CNTNAP5: variants seen among roughly 807,000 people sequenced by gnomAD.
CNTNAP5 encodes the protein contactin associated protein family member 5.
A neutral mutation model predicts 150.2 loss-of-function variants in CNTNAP5; 72 were observed. The observed-to-expected ratio is 0.48, with a 90% CI of 0.40 to 0.58. CNTNAP5 has a LOEUF of 0.58. CNTNAP5 is among the 20% of genes least tolerant of loss of function. CNTNAP5 has a pLI of 0.00. For missense variants in CNTNAP5, 1,636 were observed against 1,626.2 expected (o/e 1.01, Z -0.10); for synonymous variants, 672 against 619.8 (o/e 1.08, Z -1.25).
At chr2:124,129,847 G>C (rs576206997) in intron 1 of CNTNAP5, among the ~76,000 whole-genome samples, 2 of 152,108 alleles carry the variant, frequency 1.3e-5, no homozygotes, top group Non-Finnish European at 2.9e-5. Flanking sequence ...TGGAGGGAAG[G>C]GTGCCTTCAG....
intron 13 of CNTNAP5, among the ~76,000 whole-genome samples, chr2:124,653,975 A>G (rs1160289825): frequency 7.0e-6 from 1 of 142,964 alleles, no homozygotes; most frequent in Non-Finnish European, 1.5e-5. Context: ...AAGGTCCAGA[A>G]GGACAAATGA....
At chr2:124,581,875 G>A (rs974073031) in intron 11 of CNTNAP5, among the ~76,000 whole-genome samples, 15 of 152,152 alleles carry the variant, frequency 9.9e-5, no homozygotes, top group Admixed American at 1.3e-4. Context: ...AAAAGCGGCC[G>A]TCATATTGCA....
At chr2:124,435,622 A>G (rs1287910648) in intron 5 of CNTNAP5, among the ~76,000 whole-genome samples, 3 of 152,212 alleles carry the variant, frequency 2.0e-5, no homozygotes, top group East Asian at 3.9e-4. Flanking sequence ...TGTCTTCACT[A>G]TAAAATAGTA....
chr2:124,252,885 T>G (rs2104782079), intron 3 of CNTNAP5, among the ~76,000 whole-genome samples: 1 of 152,252 alleles, frequency 6.6e-6, no homozygotes, highest in African/African-American at 2.4e-5. Context: ...ACACATGGAC[T>G]TATTTAAATG....
At chr2:124,796,841 C>T (rs545717401) in intron 18 of CNTNAP5, among the ~76,000 whole-genome samples, 27 of 152,276 alleles carry the variant, frequency 1.8e-4, no homozygotes, top group African/African-American at 5.5e-4. Flanking sequence ...AGGTTTGCTG[C>T]CTGATCTAAG....
At chr2:124,300,742 C>T (rs1314097527) in intron 3 of CNTNAP5, among the ~76,000 whole-genome samples, 2 of 152,170 alleles carry the variant, frequency 1.3e-5, no homozygotes, top group African/African-American at 4.8e-5. Context: ...GCTCTGCAGG[C>T]TGCAAGGACT....
At chr2:124,696,244 G>A (rs1679404860) in intron 13 of CNTNAP5, among the ~76,000 whole-genome samples, 1 of 152,106 alleles carries the variant, frequency 6.6e-6, no homozygotes, top group Admixed American at 6.6e-5. Context: ...TTTTCCCCCA[G>A]TAGCAAGAAT....
At chr2:124,557,587 G>A (rs971589174) in intron 10 of CNTNAP5, among the ~76,000 whole-genome samples, 6 of 152,002 alleles carry the variant, frequency 3.9e-5, no homozygotes, top group South Asian at 2.1e-4. Context: ...AACAAGCAGC[G>A]CTCTTATGGA....
chr2:124,422,635 C>A (rs552763495), intron 4 of CNTNAP5, among the ~76,000 whole-genome samples: 5 of 152,236 alleles, frequency 3.3e-5, no homozygotes, highest in African/African-American at 9.6e-5. Context: ...CTTCTAATAC[C>A]CAGATACTTT....
intron 1 of CNTNAP5, among the ~76,000 whole-genome samples, chr2:124,092,039 A>G (rs1022989174): frequency 5.3e-5 from 8 of 152,018 alleles, no homozygotes; most frequent in Non-Finnish European, 1.0e-4. Context: ...TCTCCACACC[A>G]CTTCTGGTGG....
intron 11 of CNTNAP5, among the ~76,000 whole-genome samples, chr2:124,579,175 C>T (rs184069537): frequency 5.9e-5 from 9 of 152,268 alleles, no homozygotes; most frequent in Non-Finnish European, 1.0e-4. Context: ...AGGAGGTCTT[C>T]GCTCTTCTAG....
intron 5 of CNTNAP5, among the ~76,000 whole-genome samples, chr2:124,436,507 A>C (rs1692535145): frequency 6.6e-6 from 1 of 152,198 alleles, no homozygotes; most frequent in Admixed American, 6.5e-5. Flanking sequence ...TGGACATGAA[A>C]ACCAAGAGCA....
intron 3 of CNTNAP5, among the ~76,000 whole-genome samples, chr2:124,327,666 C>G (rs187251206): frequency 6.6e-6 from 1 of 152,302 alleles, no homozygotes; most frequent in Admixed American, 6.5e-5. Flanking sequence ...GATGATAACT[C>G]TTTCAACCAA....
chr2:124,815,909 A>G (rs1207880751), intron 19 of CNTNAP5, among the ~76,000 whole-genome samples: 15 of 152,180 alleles, frequency 9.9e-5, no homozygotes, highest in Admixed American at 9.8e-4. Flanking sequence ...TGTCTAATCA[A>G]TTAATAAATG....
At chr2:124,773,055 T>G in intron 17 of CNTNAP5, 38 bp downstream of exon 17, 1 of 1,534,886 alleles carries the variant, frequency 6.5e-7, no homozygotes, top group Non-Finnish European at 9.0e-7. Context: ...TGCTAAACCC[T>G]GCAAGATCAC....
intron 13 of CNTNAP5, among the ~76,000 whole-genome samples, chr2:124,690,360 C>T (rs1268930970): frequency 6.6e-6 from 1 of 152,020 alleles, no homozygotes; most frequent in African/African-American, 2.4e-5. Context: ...AACCAGTCTC[C>T]AGAAGCAGTG....
intron 19 of CNTNAP5, among the ~76,000 whole-genome samples, chr2:124,847,980 C>T (rs1346550990): frequency 6.6e-6 from 1 of 152,026 alleles, no homozygotes; most frequent in African/African-American, 2.4e-5. Flanking sequence ...GGAGTCATAT[C>T]ATTGCATTTA....
At chr2:124,532,818 G>A (rs1022627859) in intron 10 of CNTNAP5, among the ~76,000 whole-genome samples, 4 of 152,168 alleles carry the variant, frequency 2.6e-5, no homozygotes, top group African/African-American at 4.8e-5. Flanking sequence ...AAATGAGAGT[G>A]TGCGAGAAGT....
chr2:124,056,529 C>T (rs1681851226), intron 1 of CNTNAP5, among the ~76,000 whole-genome samples: 1 of 152,050 alleles, frequency 6.6e-6, no homozygotes, highest in South Asian at 2.1e-4. Context: ...TCCTGTAATC[C>T]CAGCTACTCA....
Sources: gnomAD v4.1 joint callset for allele counts (sites outside exome capture counted in the v4.1 genomes callset) on GRCh38, gnomAD v4.1.1 for gene constraint, MANE v1.5 for transcripts, NCBI Gene and HGNC (gene_info 2026-07-23, HGNC 2026-07-21) for gene names.